FGF1: variants seen among roughly 807,000 people sequenced by gnomAD.
The protein encoded by FGF1 is beta-endothelial cell growth factor.
FGF1 carries 9 observed loss-of-function variants against 13.4 expected under a neutral mutation model. The observed-to-expected ratio is 0.67, with a 90% CI of 0.40 to 1.17. FGF1 has a LOEUF of 1.17. FGF1 is among the 50% of genes most tolerant of loss of function. The probability of loss-of-function intolerance (pLI) is 0.01; values close to 1 mark genes in which losing one functional copy is unlikely to be tolerated. For missense variants in FGF1, 156 were observed against 192.7 expected, an observed-to-expected ratio of 0.81 and a Z score of 1.13; for synonymous variants, 93 against 79.0, an observed-to-expected ratio of 1.18 and a Z score of -0.94.
chr5:142,606,251 GTTTT>G (rs70991771), intron 2 of FGF1, among the ~76,000 whole-genome samples: 3 of 87,028 alleles, frequency 3.4e-5, no homozygotes, highest in African/African-American at 1.2e-4. Flanking sequence ...TGTGTATGTA[GTTTT>G]TTTTTTTAAT....
At position 142,592,453 on chromosome 5, in the gene FGF1, A is replaced by T; in HGVS notation, c.*2837T>A. On this transcript the variant is annotated 3_prime_UTR_variant, in exon 4 of 4. Coordinates refer to ENST00000337706, the MANE Select transcript of FGF1 (RefSeq NM_000800.5). ...TGAATCTTTCTTATCATGCCTTCCA[A>T]GGAAACCAATACCTACCTCCACCAC... The T allele has an allele frequency of 5.0e-6, 2 of 398,568 alleles. No homozygotes were observed. Among genetic ancestry groups the T allele is most frequent in the Non-Finnish European group, 8.8e-6 (2 of 226,016 alleles). The allele number at this position is 398,568 out of a possible 1,614,324, so 24.7% of individuals were successfully genotyped here.
chr5:142,614,116 C>A lies in FGF1; in HGVS notation c.12G>T (p.Gly4=). 6.2e-7 allele frequency: 1 copy of A among 1,614,108 alleles called. No homozygotes were observed. The highest frequency in any genetic ancestry group is 1.3e-5 in the African/African-American group (1 of 75,036). ...TCAGGGCTGTGAAGGTGGTGATTTC[C>A]CCTTCAGCCATGGCTCAGCAGCTGC... MAE[G]EITTFTALTE... Residue 4 remains glycine, a synonymous_variant, in exon 2 of 4, where the codon GGG becomes GGT. Coordinates refer to ENST00000337706, the MANE Select transcript of FGF1 (RefSeq NM_000800.5).
At chr5:142,612,692 C>T (rs1260281265) in intron 2 of FGF1, among the ~76,000 whole-genome samples, 1 of 151,914 alleles carries the variant, frequency 6.6e-6, no homozygotes, top group Non-Finnish European at 1.5e-5. Flanking sequence ...TGAAGATAAG[C>T]CATCAAAACA....
In FGF1 at chr5:142,651,616, T is replaced by C. The variant is rs79342768; in HGVS notation, c.-35+34341A>G. On this transcript the variant is annotated intron_variant, in intron 1 of 3. Coordinates refer to ENST00000337706, the MANE Select transcript of FGF1 (RefSeq NM_000800.5). ...ATCGTTTCCTACAGTGTAGTTTCAC[T>C]GTCTTAAAAATCCTTCATGTTCTAC... Among the ~76,000 whole-genome samples, 273 of 152,330 alleles carry C rather than the reference T, an allele frequency of 1.8e-3. 7 individuals are homozygous for C. In the East Asian group the frequency reaches 0.045, roughly 25 times the overall value.
At chr5:142,603,780 T>C (rs899815893) in intron 2 of FGF1, among the ~76,000 whole-genome samples, 2 of 152,174 alleles carry the variant, frequency 1.3e-5, no homozygotes, top group Admixed American at 6.5e-5. Flanking sequence ...CTGAGCTGAG[T>C]GATCTTGGCT....
rs562794476 is a variant in FGF1, at chr5:142,682,138, C to T, written c.-35+3819G>A. ...TTCACTTTTGTCACCCAGGCTGGAG[C>T]GCAATGGCGCGATCTCGGCTCGCTG... On this transcript the variant is annotated intron_variant, in intron 1 of 3. Coordinates refer to ENST00000337706, the MANE Select transcript of FGF1 (RefSeq NM_000800.5). 4.6e-5 allele frequency among the ~76,000 whole-genome samples: 7 copies of T among 150,730 alleles called. No individual in the cohort carries two copies. In the South Asian group the frequency reaches 8.3e-4, roughly 18 times the overall value.
At chr5:142,609,507 C>T (rs1315111374) in intron 2 of FGF1, among the ~76,000 whole-genome samples, 1 of 152,222 alleles carries the variant, frequency 6.6e-6, no homozygotes, top group Non-Finnish European at 1.5e-5. Flanking sequence ...CTTGCCCTGC[C>T]AGAGGAGTGA....
intron 3 of FGF1, among the ~76,000 whole-genome samples, chr5:142,595,729 T>G (rs781448499): frequency 3.9e-5 from 6 of 152,206 alleles, no homozygotes; most frequent in Non-Finnish European, 7.3e-5. Flanking sequence ...CCTTTCCATT[T>G]AAAATCCATT....
chr5:142,606,318 A>T (rs1387087286), intron 2 of FGF1, among the ~76,000 whole-genome samples: 2 of 151,590 alleles, frequency 1.3e-5, no homozygotes, highest in Non-Finnish European at 2.9e-5. Flanking sequence ...ACTAAATTGC[A>T]ATGGGAGAAT....
At chr5:142,662,832 AT>A (rs558223055) in intron 1 of FGF1, among the ~76,000 whole-genome samples, 102 of 150,368 alleles carry the variant, frequency 6.8e-4, no homozygotes, top group Admixed American at 2.7e-3. Context: ...TAAAATTGTA[AT>A]TTTTTTTTTG....
chr5:142,659,519 C>T (rs1225398653), intron 1 of FGF1, among the ~76,000 whole-genome samples: 1 of 152,138 alleles, frequency 6.6e-6, no homozygotes, highest in Non-Finnish European at 1.5e-5. Flanking sequence ...CTGCGCCCAG[C>T]CCTTGCATCA....
intron 2 of FGF1, among the ~76,000 whole-genome samples, chr5:142,606,609 G>A (rs985211865): frequency 3.3e-5 from 5 of 152,158 alleles, no homozygotes; most frequent in Admixed American, 6.5e-5. Flanking sequence ...GCGGCAGAGC[G>A]AGATTCCATC....
intron 1 of FGF1, among the ~76,000 whole-genome samples, chr5:142,664,251 GC>G (rs1219319125): frequency 6.6e-6 from 1 of 152,116 alleles, no homozygotes; most frequent in Non-Finnish European, 1.5e-5. Flanking sequence ...TAACAAAGGC[GC>G]CCCCCACCTC....
At chr5:142,664,705 G>A (rs1023534772) in intron 1 of FGF1, among the ~76,000 whole-genome samples, 12 of 152,190 alleles carry the variant, frequency 7.9e-5, no homozygotes, top group Non-Finnish European at 1.3e-4. Flanking sequence ...TCATGACACC[G>A]TCGATGTCCA....
At chr5:142,676,332 G>A (rs955521499) in intron 1 of FGF1, among the ~76,000 whole-genome samples, 8 of 152,180 alleles carry the variant, frequency 5.3e-5, no homozygotes, top group Admixed American at 6.5e-5. Flanking sequence ...GGCACTCTAC[G>A]TGGATTCTCT....
chr5:142,619,125 G>A (rs1012938733), intron 1 of FGF1, among the ~76,000 whole-genome samples: 11 of 151,798 alleles, frequency 7.2e-5, no homozygotes, highest in South Asian at 4.2e-4. Flanking sequence ...TAGTAGAGAC[G>A]GGGTTTCACC....
chr5:142,659,268 C>T lies in FGF1; in HGVS notation c.-35+26689G>A, dbSNP rs188701411. ...TTTTTGAGACAGGGTCTCGCTCTGT[C>T]GCCAGGCTGGAGTGCAGTGGCGTGA... On this transcript the variant is annotated intron_variant, in intron 1 of 3. Transcript: ENST00000337706. Among the ~76,000 whole-genome samples the T allele has an allele frequency of 2.7e-3, 390 of 145,226 alleles. 6 individuals are homozygous for T. The highest frequency in any genetic ancestry group is 0.02 in the East Asian group (99 of 5,008).
chr5:142,599,825 G>A (rs1417682636), intron 3 of FGF1, among the ~76,000 whole-genome samples: 1 of 150,690 alleles, frequency 6.6e-6, no homozygotes, highest in Non-Finnish European at 1.5e-5. Flanking sequence ...GAAACAATTA[G>A]ACTATGCCTC....
intron 1 of FGF1, among the ~76,000 whole-genome samples, chr5:142,624,985 A>C (rs935135152): frequency 2.6e-5 from 4 of 152,230 alleles, no homozygotes; most frequent in African/African-American, 7.2e-5. Context: ...CCCAGACACC[A>C]CTGGAGTTGT....
Sources: allele counts gnomAD v4.1 joint callset (sites outside exome capture counted in the v4.1 genomes callset), GRCh38; gene constraint gnomAD v4.1.1; transcripts MANE v1.5; gene names NCBI Gene and HGNC (gene_info 2026-07-23, HGNC 2026-07-21).